The following TBK1 variants were observed in gnomAD, a reference collection of about 807,000 sequenced individuals.
TBK1 encodes the protein TANK binding kinase 1.
In TBK1, 37 loss-of-function variants were observed where a neutral mutation model predicts 99.9. The ratio of observed to expected loss-of-function variants is 0.37; its 90% confidence interval spans 0.28 to 0.49. The LOEUF is 0.49. Among genes scored for constraint, TBK1 ranks in the 20% least tolerant of loss-of-function variants. The probability of loss-of-function intolerance (pLI) is 0.98; values close to 1 mark genes in which losing one functional copy is unlikely to be tolerated. For missense variants in TBK1, 644 were observed against 872.5 expected (o/e 0.74, Z 3.30); for synonymous variants, 258 against 279.8 (o/e 0.92, Z 0.78).
At chr12:64,497,295 C>T (rs2040937786) in intron 18 of TBK1, 36 bp downstream of exon 18, 1 of 1,412,634 alleles carries the variant, frequency 7.1e-7, no homozygotes, top group Non-Finnish European at 9.6e-7. Context: ...TAAAATTCTT[C>T]TCAGTTTATA....
Position 64,474,223 on chromosome 12 carries a change from A to C in TBK1, c.541-7A>C. On this transcript the variant is annotated splice_region_variant and splice_polypyrimidine_tract_variant and intron_variant, in intron 5 of 20. Transcript: ENST00000331710. ...TCATGATTTTTTTCTTTTTTTTTTA[A>C]TCTTAGCACCCTGATATGTATGAGA... is the stretch of plus-strand genomic sequence containing the variant. 6.3e-7 allele frequency: 1 copy of C among 1,592,714 alleles called. No individual in the cohort carries two copies. Among genetic ancestry groups the C allele is most frequent in the African/African-American group, 1.4e-5 (1 of 73,328 alleles).
intron 6 of TBK1, among the ~76,000 whole-genome samples, chr12:64,475,422 C>T (rs767180217): frequency 8.2e-4 from 125 of 152,224 alleles, no homozygotes; most frequent in Non-Finnish European, 1.6e-3. Context: ...TTGTCTCCTT[C>T]CCTCCCTACT....
chr12:64,475,832 G>A (rs1185292326), intron 6 of TBK1, among the ~76,000 whole-genome samples: 8 of 152,050 alleles, frequency 5.3e-5, no homozygotes, highest in Admixed American at 2.0e-4. Flanking sequence ...ACATACAAGC[G>A]CATGTCTTTT....
chr12:64,494,558 G>C (rs545772828), intron 13 of TBK1, among the ~76,000 whole-genome samples: 71 of 151,884 alleles, frequency 4.7e-4, no homozygotes, highest in African/African-American at 1.0e-3. Flanking sequence ...TGTGATAAAG[G>C]GTTTTTTATA....
At position 64,497,689 on chromosome 12, in the gene TBK1, T is replaced by C. The variant is rs763253914; in HGVS notation, c.2001T>C (p.Ser667=). 1 of 1,604,276 alleles carries C rather than the reference T, an allele frequency of 6.2e-7. No individual in the cohort carries two copies. The highest frequency in any genetic ancestry group is 1.1e-5 in the South Asian group (1 of 88,300). ...TLPQKMFTAS[S]GIKHTMTPIY... ...CTCAGAAAATGTTTACAGCTTCCAG[T>C]GGAATCAAACATACCATGACCCCAA... Residue 667 remains serine (S), a synonymous_variant, in exon 19 of 21, where the codon AGT becomes AGC. Transcript: ENST00000331710.
chr12:64,480,219 G>T (rs2040755732), intron 7 of TBK1, 97 bp downstream of exon 7: 2 of 752,914 alleles, frequency 2.7e-6, no homozygotes, highest in Non-Finnish European at 4.2e-6. Context: ...AGTGTAGTTT[G>T]ATTTTATTTT....
intron 5 of TBK1, 120 bp downstream of exon 5, chr12:64,467,202 C>T: frequency 1.3e-6 from 1 of 741,040 alleles, no homozygotes; most frequent in East Asian, 3.2e-5. Context: ...ATTAAATTTT[C>T]TATTCTAATG....
intron 20 of TBK1, among the ~76,000 whole-genome samples, chr12:64,500,636 C>T (rs1304891961): frequency 6.6e-6 from 1 of 152,050 alleles, no homozygotes; most frequent in African/African-American, 2.4e-5. Flanking sequence ...GTGTAATAGC[C>T]TGGTTCCAGC....
At chr12:64,501,215 AC>A (rs2040985051) in intron 20 of TBK1, 114 bp from the exon 21 acceptor site, 2 of 959,410 alleles carry the variant, frequency 2.1e-6, no homozygotes, top group Non-Finnish European at 3.2e-6. Flanking sequence ...AGTTACTTAA[AC>A]TCTTTAAAAA....
At chr12:64,498,509 A>G (rs990182682) in intron 20 of TBK1, among the ~76,000 whole-genome samples, 1 of 152,288 alleles carries the variant, frequency 6.6e-6, no homozygotes, top group African/African-American at 2.4e-5. Flanking sequence ...GAAAGCCTGC[A>G]GAGGCAATAA....
chr12:64,459,284 G>C (rs2040522008), intron 2 of TBK1, among the ~76,000 whole-genome samples: 2 of 152,198 alleles, frequency 1.3e-5, no homozygotes, highest in South Asian at 4.1e-4. Flanking sequence ...CCACGAGGGA[G>C]AGGCTTGCTC....
chr12:64,485,601 T>C (rs1477773903), intron 10 of TBK1, 88 bp downstream of exon 10: 1 of 649,618 alleles, frequency 1.5e-6, no homozygotes, highest in Non-Finnish European at 2.6e-6. Flanking sequence ...TGTGTCTTCA[T>C]GTATGTCTAT....
rs532675861 is a variant in TBK1, at chr12:64,488,877, A to G, written c.1442+289A>G. 1.4e-4 allele frequency among the ~76,000 whole-genome samples: 22 copies of G among 152,346 alleles called. No individual in the cohort carries two copies. In the South Asian group the frequency reaches 4.3e-3, roughly 30 times the overall value. On this transcript the variant is annotated intron_variant, in intron 12 of 20. Coordinates refer to ENST00000331710, the MANE Select transcript of TBK1 (RefSeq NM_013254.4). ...TGTGGTGGCGCACGCCTGTAGTCCC[A>G]GCAACTCGGGAGGCTGAGGCAGGAG...
intron 6 of TBK1, among the ~76,000 whole-genome samples, chr12:64,477,814 T>C (rs1227854192): frequency 6.6e-6 from 1 of 152,206 alleles, no homozygotes; most frequent in Non-Finnish European, 1.5e-5. Flanking sequence ...ATATGTTCCT[T>C]CTGTGCCTAG....
rs760722272 is a variant in TBK1, at chr12:64,455,832, T to TC, written c.-31-7dup. 4.5e-6 allele frequency: 7 copies of TC among 1,539,288 alleles called. No individual in the cohort carries two copies. The highest frequency in any genetic ancestry group is 6.2e-6 in the Non-Finnish European group (7 of 1,136,380). On this transcript the variant is annotated splice_polypyrimidine_tract_variant and splice_region_variant and intron_variant, in intron 1 of 20. Coordinates refer to ENST00000331710, the MANE Select transcript of TBK1 (RefSeq NM_013254.4). ...AAAACATAGTTGCAAATTTTTTTTTTCTCTTAGTATAACAAGAGGATTGCC... is the reference window on the plus strand; with the variant it reads ...AAAACATAGTTGCAAATTTTTTTTTTCCTCTTAGTATAACAAGAGGATTGCC...
chr12:64,497,191 T>C lies in TBK1; in HGVS notation c.1891T>C (p.Leu631=), dbSNP rs1447822193. The change falls in exon 18 of 21, where the codon TTA becomes CTA. Residue 631 remains leucine, a synonymous_variant. Transcript: ENST00000331710. The stretch of plus-strand genomic sequence containing the variant: ...GATGCTTCATCTTAGGAAACAGTTA[T>C]TATCGCTGACTAATCAGTGTTTTGA... ...RKMLHLRKQL[L]SLTNQCFDIE... The C allele has an allele frequency of 5.6e-6, 9 of 1,600,378 alleles. No homozygotes were observed. The highest frequency in any genetic ancestry group is 2.2e-5 in the East Asian group (1 of 44,522).
intron 6 of TBK1, among the ~76,000 whole-genome samples, chr12:64,479,666 T>C (rs1167570958): frequency 6.6e-6 from 1 of 152,220 alleles, no homozygotes; most frequent in Non-Finnish European, 1.5e-5. Flanking sequence ...CTTTTTTTCA[T>C]GGTCTAGAGA....
chr12:64,493,638 A>AT (rs2040895767), intron 13 of TBK1, among the ~76,000 whole-genome samples: 1 of 150,576 alleles, frequency 6.6e-6, no homozygotes, highest in Non-Finnish European at 1.5e-5. Context: ...ATAAAAAAAA[A>AT]GTAAAGAAGA....
chr12:64,468,562 C>T (rs2040629731), intron 5 of TBK1, among the ~76,000 whole-genome samples: 1 of 151,884 alleles, frequency 6.6e-6, no homozygotes, highest in South Asian at 2.1e-4. Context: ...GAAGTGCCTA[C>T]TATATACCAG....
Sources: gnomAD v4.1 joint callset for allele counts (sites outside exome capture counted in the v4.1 genomes callset) on GRCh38, gnomAD v4.1.1 for gene constraint, MANE v1.5 for transcripts, NCBI Gene and HGNC (gene_info 2026-07-23, HGNC 2026-07-21) for gene names.